The following TRMT11 variants were observed in gnomAD, a reference collection of about 807,000 sequenced individuals.
TRMT11 encodes tRNA methyltransferase 11, also known as tRNA (guanine(10)-N(2))-methyltransferase TRMT11.
TRMT11 carries 53 observed loss-of-function variants against 62.8 expected under a neutral mutation model. The observed-to-expected ratio is 0.84, with a 90% CI of 0.68 to 1.06. The LOEUF is 1.06. Ranked by LOEUF, TRMT11 falls within the 50% of genes least tolerant of loss-of-function variation. The probability of loss-of-function intolerance (pLI) is 0.00; values close to 1 mark genes in which losing one functional copy is unlikely to be tolerated. For synonymous variants in TRMT11, 188 were observed against 190.3 expected (o/e 0.99, Z 0.10); for missense variants, 556 against 553.4 (o/e 1.00, Z -0.05).
rs182228397 is a variant in TRMT11 at position 126,114,220 on chromosome 6, G to A, written c.*1527-485G>A. 4.1e-3 allele frequency among the ~76,000 whole-genome samples: 625 copies of A among 152,118 alleles called. 1 individual carries two copies. The highest frequency in any genetic ancestry group is 0.014 in the African/African-American group (591 of 41,532). On this transcript the variant is annotated intron_variant and NMD_transcript_variant, in intron 18 of 22. Coordinates refer to the TRMT11 transcript ENST00000648977. The stretch of plus-strand genomic sequence containing the variant: ...GAAAACGTATTTCTTAATACGGGTC[G>A]CAGCTGATAACAGTTTGAAAGTTAT...
chr6:126,263,625 C>T, the TRMT11 span, among the ~76,000 whole-genome samples: 1 of 152,186 alleles, frequency 6.6e-6, no homozygotes, highest in Non-Finnish European at 1.5e-5. Context: ...AATAAGCGTT[C>T]AAGTGCTTGG....
At chr6:126,164,369 G>C (rs560084013) in intron 21 of TRMT11, among the ~76,000 whole-genome samples, 1 of 152,134 alleles carries the variant, frequency 6.6e-6, no homozygotes, top group Admixed American at 6.6e-5. Context: ...TTCTTTTGCA[G>C]TTGCTAAGGA....
intron 21 of TRMT11, among the ~76,000 whole-genome samples, chr6:126,124,949 G>T (rs1265581518): frequency 6.6e-6 from 1 of 152,092 alleles, no homozygotes; most frequent in African/African-American, 2.4e-5. Flanking sequence ...CCTGTCTTTT[G>T]CCCAGACTGG....
At chr6:126,230,196 T>C in the TRMT11 span, among the ~76,000 whole-genome samples, 1 of 152,110 alleles carries the variant, frequency 6.6e-6, no homozygotes, top group African/African-American at 2.4e-5. Context: ...ACCTAACCAC[T>C]TGCAAAAATC....
chr6:126,082,699 T>TA (rs1227092819), intron 17 of TRMT11, among the ~76,000 whole-genome samples: 1 of 152,160 alleles, frequency 6.6e-6, no homozygotes, highest in East Asian at 1.9e-4. Context: ...ATCAAATTTA[T>TA]AAAAGGGACT....
the TRMT11 span, among the ~76,000 whole-genome samples, chr6:126,256,020 A>G: frequency 1.3e-5 from 2 of 152,170 alleles, no homozygotes; most frequent in Non-Finnish European, 2.9e-5. Flanking sequence ...GGTTGTGGTC[A>G]TCTGTCAGCT....
intron 17 of TRMT11, among the ~76,000 whole-genome samples, chr6:126,060,692 A>G (rs1776510715): frequency 6.6e-6 from 1 of 152,222 alleles, no homozygotes; most frequent in Admixed American, 6.5e-5. Context: ...AAGGCACACA[A>G]TAGCTGAGTT....
intron 21 of TRMT11, among the ~76,000 whole-genome samples, chr6:126,135,630 A>C (rs1196916966): frequency 6.6e-6 from 1 of 151,896 alleles, no homozygotes; most frequent in African/African-American, 2.4e-5. Flanking sequence ...TTCCAAATTC[A>C]TTGTATACAG....
intron 21 of TRMT11, among the ~76,000 whole-genome samples, chr6:126,127,641 C>A (rs1029030271): frequency 1.3e-5 from 2 of 150,186 alleles, no homozygotes; most frequent in African/African-American, 4.9e-5. Context: ...TCTCCTAATG[C>A]TATCCCTCCC....
chr6:126,246,232 A>G, the TRMT11 span, among the ~76,000 whole-genome samples: 2 of 152,190 alleles, frequency 1.3e-5, no homozygotes, highest in African/African-American at 4.8e-5. Flanking sequence ...TAATTATGGT[A>G]AACAGGAGGC....
intron 1 of TRMT11, among the ~76,000 whole-genome samples, chr6:126,194,272 A>G (rs1026687564): frequency 6.6e-6 from 1 of 152,140 alleles, no homozygotes; most frequent in Non-Finnish European, 1.5e-5. Context: ...CTATTATTAT[A>G]TTGCAGCCTA....
chr6:126,135,016 A>G (rs9491564), intron 21 of TRMT11, among the ~76,000 whole-genome samples: 39,742 of 151,536 alleles, frequency 0.26, 5,714 homozygotes, highest in Middle Eastern at 0.42. Context: ...ATTTTATACC[A>G]GTAAATGCCT....
intron 21 of TRMT11, among the ~76,000 whole-genome samples, chr6:126,159,744 G>A (rs1182430612): frequency 2.0e-5 from 3 of 152,146 alleles, no homozygotes; most frequent in South Asian, 2.1e-4. Context: ...AACCTCTAGA[G>A]GAGAATCCTT....
chr6:126,232,881 C>G, the TRMT11 span, among the ~76,000 whole-genome samples: 20 of 152,186 alleles, frequency 1.3e-4, no homozygotes, highest in Admixed American at 4.6e-4. Context: ...AGTCATAATT[C>G]AAAATGTCAA....
intron 1 of TRMT11, among the ~76,000 whole-genome samples, chr6:126,198,536 T>C (rs1369385082): frequency 2.0e-5 from 3 of 152,198 alleles, no homozygotes; most frequent in Non-Finnish European, 4.4e-5. Flanking sequence ...ATTCTTTGTG[T>C]TCACTACATT....
chr6:125,998,196 C>T, intron 4 of TRMT11, 27 bp from the exon 5 acceptor site: 1 of 1,594,502 alleles, frequency 6.3e-7, no homozygotes, highest in Non-Finnish European at 8.6e-7. Flanking sequence ...TTAAAATACT[C>T]AAAAAACTGA....
chr6:126,027,919 A>G (rs1379369163), intron 12 of TRMT11, among the ~76,000 whole-genome samples: 1 of 152,214 alleles, frequency 6.6e-6, no homozygotes, highest in African/African-American at 2.4e-5. Flanking sequence ...CACTGAGGTC[A>G]CTTCAGAAAA....
At chr6:126,120,301 A>C (rs1163823045) in intron 21 of TRMT11, among the ~76,000 whole-genome samples, 3 of 152,116 alleles carry the variant, frequency 2.0e-5, no homozygotes, top group Non-Finnish European at 4.4e-5. Context: ...ATATGCTAAT[A>C]ATATGATCTC....
rs187338229 is a variant in TRMT11 at position 126,050,216 on chromosome 6, G to C, written c.*1370-2907G>C. On this transcript the variant is annotated intron_variant and NMD_transcript_variant, in intron 16 of 22. Coordinates refer to the TRMT11 transcript ENST00000648977. Reference sequence around the variant, plus strand: ...GTGGTGGCACACACCTGTAATCCCAGCTGCTTGGGAGGCTGAGGCAGGAGA... The same window carrying C: ...GTGGTGGCACACACCTGTAATCCCACCTGCTTGGGAGGCTGAGGCAGGAGA... Among the ~76,000 whole-genome samples, 4 of 151,934 alleles carry C rather than the reference G, an allele frequency of 2.6e-5. No individual in the cohort carries two copies. The East Asian group carries it at 7.8e-4, about 29-fold the overall frequency.
Sources: gnomAD v4.1 joint callset for allele counts (sites outside exome capture counted in the v4.1 genomes callset) on GRCh38, gnomAD v4.1.1 for gene constraint, MANE v1.5 for transcripts, NCBI Gene and HGNC (gene_info 2026-07-23, HGNC 2026-07-21) for gene names.